Variants in GPC6 observed in about 807,000 individuals in gnomAD.
GPC6 encodes the protein glypican-6.
In GPC6, 14 loss-of-function variants were observed where a neutral mutation model predicts 55.2. The ratio of observed to expected loss-of-function variants is 0.25; its 90% confidence interval spans 0.17 to 0.40. GPC6 has a LOEUF of 0.40. Among genes scored for constraint, GPC6 ranks in the 10% least tolerant of loss-of-function variants. The pLI is 1.00. For synonymous variants in GPC6, 278 were observed against 259.6 expected (o/e 1.07, Z -0.68); for missense variants, 641 against 708.5 (o/e 0.90, Z 1.08).
chr13:93,692,122 G>T (rs552534444), intron 2 of GPC6, among the ~76,000 whole-genome samples: 25 of 152,120 alleles, frequency 1.6e-4, no homozygotes, highest in African/African-American at 5.5e-4. Flanking sequence ...GAAAACCTAG[G>T]TCAGTCTATT....
intron 2 of GPC6, among the ~76,000 whole-genome samples, chr13:93,729,945 C>G (rs891021421): frequency 3.0e-4 from 45 of 152,136 alleles, no homozygotes; most frequent in African/African-American, 1.0e-3. Flanking sequence ...GCTGTCTGAG[C>G]TTATTTACAG....
At chr13:93,765,484 CT>C (rs66660153) in intron 2 of GPC6, among the ~76,000 whole-genome samples, 43,244 of 151,636 alleles carry the variant, frequency 0.29, 6,192 homozygotes, top group South Asian at 0.34. Context: ...ATATTATAAA[CT>C]TTTTTAAAAA....
chr13:93,881,796 A>G (rs956760940), intron 3 of GPC6, among the ~76,000 whole-genome samples: 11 of 152,204 alleles, frequency 7.2e-5, no homozygotes, highest in Middle Eastern at 3.4e-3. Flanking sequence ...TCTAGCCTCA[A>G]TGCCTTGCTT....
intron 1 of GPC6, among the ~76,000 whole-genome samples, chr13:93,277,698 GA>G (rs987749791): frequency 3.2e-4 from 48 of 152,216 alleles, no homozygotes; most frequent in African/African-American, 1.1e-3. Context: ...TTTAAAAATA[GA>G]ATAATTGTTC....
intron 3 of GPC6, among the ~76,000 whole-genome samples, chr13:93,911,576 A>G (rs1416256791): frequency 1.3e-5 from 2 of 152,216 alleles, no homozygotes; most frequent in Non-Finnish European, 2.9e-5. Context: ...AAAACTTCCT[A>G]CTAAGGCTTG....
At chr13:94,079,854 T>C (rs113371575) in intron 4 of GPC6, among the ~76,000 whole-genome samples, 10 of 152,324 alleles carry the variant, frequency 6.6e-5, no homozygotes, top group African/African-American at 1.9e-4. Context: ...TATCTTTACT[T>C]CCCCAGCTTG....
intron 1 of GPC6, among the ~76,000 whole-genome samples, chr13:93,228,114 T>C (rs1252727774): frequency 6.6e-6 from 1 of 152,008 alleles, no homozygotes; most frequent in Non-Finnish European, 1.5e-5. Context: ...CCCCAGCCCC[T>C]CTCTCCCCTA....
intron 1 of GPC6, among the ~76,000 whole-genome samples, chr13:93,368,358 T>TTCCTTCCTTCCTTCCG (rs1881332131): frequency 9.0e-6 from 1 of 110,552 alleles, no homozygotes; most frequent in African/African-American, 3.0e-5. Context: ...CCTTCCTTCC[T>TTCCTTCCTTCCTTCCG]TCCTTCCTTC....
chr13:94,326,443 A>C (rs1294739867), intron 6 of GPC6, among the ~76,000 whole-genome samples: 1 of 152,070 alleles, frequency 6.6e-6, no homozygotes. Flanking sequence ...TATTTCACAA[A>C]ATTATAATCA....
At chr13:93,978,088 G>A (rs1880604980) in intron 3 of GPC6, among the ~76,000 whole-genome samples, 1 of 152,114 alleles carries the variant, frequency 6.6e-6, no homozygotes, top group African/African-American at 2.4e-5. Context: ...TCGACAAGAA[G>A]GTCAGATGGT....
chr13:93,632,669 A>G (rs1879513812), intron 2 of GPC6, among the ~76,000 whole-genome samples: 1 of 150,108 alleles, frequency 6.7e-6, no homozygotes, highest in African/African-American at 2.4e-5. Context: ...AAATGGCCAC[A>G]TTTTCTATTT....
chr13:93,433,026 G>A (rs1877426996), intron 1 of GPC6, among the ~76,000 whole-genome samples: 1 of 152,008 alleles, frequency 6.6e-6, no homozygotes, highest in Admixed American at 6.6e-5. Context: ...TTTGGAAATT[G>A]TTCTTTTTTT....
intron 3 of GPC6, among the ~76,000 whole-genome samples, chr13:93,980,370 G>C (rs1320733635): frequency 6.6e-6 from 1 of 152,052 alleles, no homozygotes; most frequent in Admixed American, 6.6e-5. Flanking sequence ...TTCATATTTT[G>C]ATTTCTGTCT....
At chr13:93,562,914 C>T (rs1019975613) in intron 2 of GPC6, among the ~76,000 whole-genome samples, 17 of 152,148 alleles carry the variant, frequency 1.1e-4, no homozygotes, top group Non-Finnish European at 2.1e-4. Context: ...TCACATATTA[C>T]AGACAGAAGT....
At chr13:93,309,668 T>A (rs184081440) in intron 1 of GPC6, among the ~76,000 whole-genome samples, 1 of 152,298 alleles carries the variant, frequency 6.6e-6, no homozygotes, top group African/African-American at 2.4e-5. Context: ...AAGCTATCAT[T>A]ATTTTCATGA....
intron 1 of GPC6, among the ~76,000 whole-genome samples, chr13:93,331,029 T>C (rs915557001): frequency 4.6e-5 from 7 of 152,174 alleles, no homozygotes; most frequent in Non-Finnish European, 8.8e-5. Flanking sequence ...AACTATTTGA[T>C]GGGATTCATA....
intron 4 of GPC6, among the ~76,000 whole-genome samples, chr13:94,278,976 C>T (rs925574446): frequency 2.0e-5 from 3 of 152,170 alleles, no homozygotes; most frequent in African/African-American, 7.2e-5. Flanking sequence ...GGAGTCCCTC[C>T]TTTTCAATTG....
At chr13:93,952,898 CGTGTATATATGTAT>C (rs1879331360) in intron 3 of GPC6, among the ~76,000 whole-genome samples, 1 of 143,294 alleles carries the variant, frequency 7.0e-6, no homozygotes, top group Non-Finnish European at 1.5e-5. Flanking sequence ...GTGATATATA[CGTGTATATATGTAT>C]ATATATACAC....
chr13:93,823,188 G>A lies in GPC6; in HGVS notation c.320-6966G>A, dbSNP rs574126968. Among the ~76,000 whole-genome samples, 5 of 150,172 alleles carry A rather than the reference G, an allele frequency of 3.3e-5. 1 individual carries two copies. The highest frequency in any genetic ancestry group is 1.3e-4 in the Admixed American group (2 of 14,996). ...GAAAATTACTTTTATAAATAATTTAGGTATGACTTTAGAATGCATTTTGCA... is the reference window on the plus strand; with the variant it reads ...GAAAATTACTTTTATAAATAATTTAAGTATGACTTTAGAATGCATTTTGCA... On this transcript the variant is annotated intron_variant, in intron 2 of 8. Transcript: ENST00000377047.
Sources: gnomAD v4.1 joint callset for allele counts (sites outside exome capture counted in the v4.1 genomes callset) on GRCh38, gnomAD v4.1.1 for gene constraint, MANE v1.5 for transcripts, NCBI Gene and HGNC (gene_info 2026-07-23, HGNC 2026-07-21) for gene names.